The following PCDHGB1 variants were observed in gnomAD, a reference collection of about 807,000 sequenced individuals.
The protein encoded by PCDHGB1 is protocadherin gamma-B1.
A neutral mutation model predicts 56.6 loss-of-function variants in PCDHGB1; 34 were observed. The observed-to-expected ratio is 0.60, with a 90% CI of 0.46 to 0.80. PCDHGB1 has a LOEUF of 0.80. PCDHGB1 is among the 30% of genes least tolerant of loss of function. The probability of loss-of-function intolerance (pLI) is 0.00; values close to 1 mark genes in which losing one functional copy is unlikely to be tolerated. For synonymous variants in PCDHGB1, 561 were observed against 505.9 expected, an observed-to-expected ratio of 1.11 and a Z score of -1.46; for missense variants, 1,278 against 1,204.6, an observed-to-expected ratio of 1.06 and a Z score of -0.90.
chr5:141,403,875 A>G (rs1311532081), intron 1 of PCDHGB1: 1 of 1,613,816 alleles, frequency 6.2e-7, no homozygotes, highest in South Asian at 1.1e-5. Context: ...AAAAGTCTAG[A>G]TTATGAAGAA....
In PCDHGB1 at chr5:141,463,438, C is replaced by CTTT. The variant is rs71576115; in HGVS notation, c.2410-31343_2410-31341dup. ...GTTTGCGGATCCTCATTTCCTTCTC[C>CTTT]TTTTTTTTTTTTTTTTTTTTTTTTT... On this transcript the variant is annotated intron_variant, in intron 1 of 3. Coordinates refer to ENST00000523390, the MANE Select transcript of PCDHGB1 (RefSeq NM_018922.3). 5.0e-3 allele frequency among the ~76,000 whole-genome samples: 517 copies of CTTT among 103,248 alleles called. 61 individuals are homozygous for CTTT. The highest frequency in any genetic ancestry group is 0.017 in the African/African-American group (381 of 22,398). The allele number at this position is 103,248 out of a possible 152,430, so 67.7% of individuals were successfully genotyped here.
chr5:141,374,158 G>A (rs1471227184), intron 1 of PCDHGB1: 6 of 1,612,290 alleles, frequency 3.7e-6, no homozygotes, highest in African/African-American at 1.3e-5. Context: ...CGCTGTGGGG[G>A]GCCGCGGCAG....
At chr5:141,509,354 A>G (rs1229726913) in intron 3 of PCDHGB1, among the ~76,000 whole-genome samples, 2 of 152,144 alleles carry the variant, frequency 1.3e-5, no homozygotes, top group Non-Finnish European at 2.9e-5. Context: ...TGGCCTGGGC[A>G]TCCCTGAGGT....
chr5:141,403,749 C>T (rs759577178), intron 1 of PCDHGB1: 2 of 1,613,652 alleles, frequency 1.2e-6, no homozygotes, highest in Non-Finnish European at 1.7e-6. Context: ...ACTGCAACAG[C>T]CAGCGACCTG....
chr5:141,375,444 A>C, intron 1 of PCDHGB1: 4 of 1,613,844 alleles, frequency 2.5e-6, no homozygotes, highest in Non-Finnish European at 3.4e-6. Context: ...ACCTTCCCCC[A>C]TTCATCCTAC....
chr5:141,357,752 T>C (rs1760725743), intron 1 of PCDHGB1: 3 of 1,127,116 alleles, frequency 2.7e-6, no homozygotes, highest in Non-Finnish European at 3.7e-6. Context: ...TAAAGAAAAC[T>C]GGTGGATGAC....
intron 1 of PCDHGB1, among the ~76,000 whole-genome samples, chr5:141,435,770 C>G (rs1445835726): frequency 6.6e-6 from 1 of 152,070 alleles, no homozygotes; most frequent in Non-Finnish European, 1.5e-5. Context: ...TTGGTGAATT[C>G]TGTAAAGGTG....
In PCDHGB1 at chr5:141,476,584, C is replaced by G. The variant is rs140544807; in HGVS notation, c.2410-18223C>G. ...TGGCTCCGGGGACGCGCTTTCCGCTCGAGAGCGCGCACGATCCCGATGTGG... is the reference window on the plus strand; with the variant it reads ...TGGCTCCGGGGACGCGCTTTCCGCTGGAGAGCGCGCACGATCCCGATGTGG... On this transcript the variant is annotated intron_variant, in intron 1 of 3. Coordinates refer to ENST00000523390, the MANE Select transcript of PCDHGB1 (RefSeq NM_018922.3). This position sits in a 1 kb window ranked among gnomAD's most constrained non-coding sequence, Gnocchi z 7.6. 1.2e-5 allele frequency: 19 copies of G among 1,614,100 alleles called. No homozygotes were observed. The African/African-American group carries it at 2.3e-4, about 19-fold the overall frequency.
chr5:141,365,302 A>C (rs1763838303), intron 1 of PCDHGB1: 4 of 1,613,872 alleles, frequency 2.5e-6, no homozygotes, highest in Non-Finnish European at 2.5e-6. Context: ...CTCAGGATGG[A>C]GGCGCTCTTG....
chr5:141,433,056 G>C, intron 1 of PCDHGB1: 10 of 1,614,204 alleles, frequency 6.2e-6, no homozygotes, highest in Non-Finnish European at 8.5e-6. Context: ...TCGCGGAAGA[G>C]TCACCTGATC....
intron 1 of PCDHGB1, chr5:141,354,966 C>T: frequency 2.0e-6 from 1 of 512,280 alleles, no homozygotes; most frequent in Non-Finnish European, 3.3e-6. Flanking sequence ...CAGGTTAAGA[C>T]TCTGGGTGTC....
At chr5:141,399,991 G>T (rs1226741326) in intron 1 of PCDHGB1, 3 of 1,612,304 alleles carry the variant, frequency 1.9e-6, no homozygotes, top group Admixed American at 3.3e-5. Context: ...CACAGGAGAG[G>T]TGCGCACAGC....
At chr5:141,510,816 A>G (rs1478938067) in intron 3 of PCDHGB1, 131 bp from the exon 4 acceptor site, 2 of 1,547,282 alleles carry the variant, frequency 1.3e-6, no homozygotes, top group Non-Finnish European at 1.8e-6. Context: ...GGTGACCCCT[A>G]TATTCCCAGT....
rs758673205 is a variant in PCDHGB1, at chr5:141,376,309, CGT to C, written c.2409+23642_2409+23643del. The C allele has an allele frequency of 7.2e-5, 117 of 1,614,148 alleles. No homozygotes were observed. The South Asian group carries it at 1.3e-3, about 17-fold the overall frequency. ...GCATGCCCGGCTCGCACTTTGTGGG[CGT>C]GGAAGGGGTTCGGGCTTTCCTGCAG... On this transcript the variant is annotated intron_variant, in intron 1 of 3. Coordinates refer to ENST00000523390, the MANE Select transcript of PCDHGB1 (RefSeq NM_018922.3).
chr5:141,489,896 C>T lies in PCDHGB1; in HGVS notation c.2410-4911C>T, dbSNP rs765318875. 3 of 1,614,180 alleles carry T rather than the reference C, an allele frequency of 1.9e-6. No homozygotes were observed. The highest frequency in any genetic ancestry group is 1.3e-5 in the African/African-American group (1 of 75,066). On this transcript the variant is annotated intron_variant, in intron 1 of 3. Coordinates refer to ENST00000523390, the MANE Select transcript of PCDHGB1 (RefSeq NM_018922.3). The surrounding 1 kb of genome is among the most constrained non-coding windows in gnomAD (Gnocchi z 4.5). ...GTGCTTACTGCTGTGGATGGGGGGA[C>T]CCCAGCCCGCTCAGGGACCACCCTT...
At position 141,431,747 on chromosome 5, in the gene PCDHGB1, C is replaced by T. The variant is rs371020840; in HGVS notation, c.2410-63060C>T. The T allele has an allele frequency of 5.0e-6, 8 of 1,614,064 alleles. No individual in the cohort carries two copies. In the Admixed American group the frequency reaches 5.0e-5, roughly 10 times the overall value. On this transcript the variant is annotated intron_variant, in intron 1 of 3. Transcript: ENST00000523390. This position sits in a 1 kb window ranked among gnomAD's most constrained non-coding sequence, Gnocchi z 4.8. ...AATGGATAATGCAGGATATTCTGCG[C>T]GAGCCAAAGTCCTGATCACTGTTCT...
At chr5:141,422,714 C>T (rs2096666670) in intron 1 of PCDHGB1, 1 of 1,603,720 alleles carries the variant, frequency 6.2e-7, no homozygotes, top group South Asian at 1.1e-5. Flanking sequence ...ACGGATGACA[C>T]TGTCCAGGGG....
chr5:141,372,354 C>T lies in PCDHGB1; in HGVS notation c.2409+19685C>T. The T allele has an allele frequency of 1.2e-6, 2 of 1,613,946 alleles. No individual in the cohort carries two copies. Among genetic ancestry groups the T allele is most frequent in the Non-Finnish European group, 8.5e-7 (1 of 1,179,902 alleles). On this transcript the variant is annotated intron_variant, in intron 1 of 3. Coordinates refer to ENST00000523390, the MANE Select transcript of PCDHGB1 (RefSeq NM_018922.3). ...TGTGCGTGATGGAGGACAGCAGCCT[C>T]TTTCAGCCACCGTCATGCTGCACCT...
chr5:141,418,990 G>A (rs1029969170), intron 1 of PCDHGB1: 1 of 1,613,784 alleles, frequency 6.2e-7, no homozygotes, highest in African/African-American at 1.3e-5. Flanking sequence ...AAGACTCAGG[G>A]GAAAATGGGG....
Sources: gnomAD v4.1 joint callset for allele counts (sites outside exome capture counted in the v4.1 genomes callset) on GRCh38, gnomAD v4.1.1 for gene constraint, Gnocchi (gnomAD v3.1) non-coding constraint, MANE v1.5 for transcripts, NCBI Gene and HGNC (gene_info 2026-07-23, HGNC 2026-07-21) for gene names.